The following CLCNKA variants were observed in gnomAD, a reference collection of about 807,000 sequenced individuals.
CLCNKA encodes the protein chloride voltage-gated channel Ka, also known as chloride channel protein ClC-Ka.
Under a neutral mutation model 83.3 loss-of-function variants are expected in CLCNKA, and 66 were observed. The observed-to-expected ratio is 0.79, with a 90% CI of 0.65 to 0.97. CLCNKA has a LOEUF of 0.97. Ranked by LOEUF, CLCNKA falls within the 50% of genes least tolerant of loss-of-function variation. CLCNKA has a pLI of 0.00. For missense variants in CLCNKA, 806 were observed against 888.7 expected (o/e 0.91, Z 1.18); for synonymous variants, 357 against 370.4 (o/e 0.96, Z 0.42).
chr1:16,023,355 T>TGAAA (rs1285319305), intron 2 of CLCNKA, among the ~76,000 whole-genome samples: 1 of 152,114 alleles, frequency 6.6e-6, no homozygotes, highest in African/African-American at 2.4e-5. Flanking sequence ...GGGATACAGG[T>TGAAA]GAAAGCTATA....
rs778465270 is a variant in CLCNKA, at chr1:16,026,795, C to G, written c.655+20C>G. 1.1e-5 allele frequency: 18 copies of G among 1,604,352 alleles called. No individual in the cohort carries two copies. Among genetic ancestry groups the G allele is most frequent in the Non-Finnish European group, 1.5e-5 (17 of 1,171,408 alleles). ...TCAGCGGTGAGACCCCCCTCATGCCCCGCCCCCTGGGTCCCTCAAGCTCCT... is the reference window on the plus strand; with the variant it reads ...TCAGCGGTGAGACCCCCCTCATGCCGCGCCCCCTGGGTCCCTCAAGCTCCT... On this transcript the variant is annotated intron_variant, in intron 7 of 19. Transcript: ENST00000331433.
chr1:16,033,548 T>TGGGGGGGGGGG, intron 19 of CLCNKA, 63 bp from the exon 20 acceptor site: 1 of 1,121,922 alleles, frequency 8.9e-7, no homozygotes. Context: ...CTAAAAATGC[T>TGGGGGGGGGGG]GGAGCCCCCC....
Position 16,032,190 on chromosome 1 carries a change from C to T in CLCNKA, c.1757-13C>T, listed in dbSNP as rs6669935. ...ATAATGCACCTCCCTCCCTCTCCCT[C>T]TCTACTTGCCAGAGTCCCAGATCCT... On this transcript the variant is annotated splice_polypyrimidine_tract_variant and intron_variant, in intron 16 of 19. Transcript: ENST00000331433. 1 of 1,610,210 alleles carries T rather than the reference C, an allele frequency of 6.2e-7. No individual in the cohort carries two copies. The highest frequency in any genetic ancestry group is 8.5e-7 in the Non-Finnish European group (1 of 1,177,754).
intron 7 of CLCNKA, 127 bp from the exon 8 acceptor site, chr1:16,027,183 T>A: frequency 7.1e-7 from 1 of 1,400,172 alleles, no homozygotes; most frequent in Non-Finnish European, 1.0e-6. Context: ...TCCCCTTCTG[T>A]CTGTCCCTGT....
chr1:16,024,554 C>T (rs1471173757), intron 3 of CLCNKA, among the ~76,000 whole-genome samples: 1 of 152,166 alleles, frequency 6.6e-6, no homozygotes, highest in Non-Finnish European at 1.5e-5. Flanking sequence ...GAGTGGCTTG[C>T]CCAAGGTCAC....
At chr1:16,028,618 C>T (rs2022481571) in intron 10 of CLCNKA, 143 bp from the exon 11 acceptor site, 1 of 1,035,152 alleles carries the variant, frequency 9.7e-7, no homozygotes, top group Admixed American at 1.8e-5. Context: ...TTCCCTGCTC[C>T]CGCCCTTCCT....
Position 16,028,085 on chromosome 1 carries a change from ACCAATCGGTACAGCT to A in CLCNKA, c.939_953del (p.Asn313_Ser317del). On this transcript the variant is annotated inframe_deletion, in exon 10 of 20. Transcript: ENST00000331433. ...GCGAACCTTCCTCAGCTTCATCAAG[ACCAATCGGTACAGCT>A]CCAAACTGCTGGCTACTAGGTAGGC... is the stretch of plus-strand genomic sequence containing the variant. The A allele has an allele frequency of 6.3e-7, 1 of 1,578,818 alleles. No homozygotes were observed. Among genetic ancestry groups the A allele is most frequent in the Non-Finnish European group, 8.7e-7 (1 of 1,148,986 alleles).
At chr1:16,030,364 C>A (rs1191123456) in intron 14 of CLCNKA, 97 bp from the exon 15 acceptor site, 1 of 1,474,764 alleles carries the variant, frequency 6.8e-7, no homozygotes, top group South Asian at 1.2e-5. Flanking sequence ...ACAATTCCCA[C>A]CCTAGCCCCC....
At chr1:16,031,881 G>A (rs753367972) in intron 16 of CLCNKA, 38 bp downstream of exon 16, 9 of 1,612,934 alleles carry the variant, frequency 5.6e-6, no homozygotes, top group South Asian at 1.1e-5. Context: ...CGGGGGTAGG[G>A]GATGCCCTCT....
Position 16,028,115 on chromosome 1 carries a change from A to G in CLCNKA, c.964A>G (p.Thr322Ala), listed in dbSNP as rs748769879. Residue 322 changes from threonine (T) to alanine (A), a missense_variant, in exon 10 of 20, where the codon ACT (threonine) becomes GCT (alanine). Transcript: ENST00000331433. Reference sequence around the variant, plus strand: ...TCGGTACAGCTCCAAACTGCTGGCTACTAGGTAGGCTCTGGGCTAGGGGCT... The same window carrying G: ...TCGGTACAGCTCCAAACTGCTGGCTGCTAGGTAGGCTCTGGGCTAGGGGCT... ...TNRYSSKLLA[T>A]SKPVYSALAT... is the part of the protein sequence containing the mutation. 7.8e-6 allele frequency: 12 copies of G among 1,545,500 alleles called. No individual in the cohort carries two copies. The South Asian group carries it at 1.0e-4, about 13-fold the overall frequency.
chr1:16,023,768 A>G (rs2022232655), intron 2 of CLCNKA, 32 bp from the exon 3 acceptor site: 2 of 1,613,182 alleles, frequency 1.2e-6, no homozygotes, highest in Non-Finnish European at 1.7e-6. Flanking sequence ...CCTTGCCCCA[A>G]CATAAGCTGG....
intron 19 of CLCNKA, 60 bp downstream of exon 19, chr1:16,033,316 A>T: frequency 1.2e-5 from 19 of 1,546,210 alleles, no homozygotes; most frequent in South Asian, 2.2e-5. Context: ...GGCTGGGGAG[A>T]TGGGGAGGTG....
intron 4 of CLCNKA, among the ~76,000 whole-genome samples, chr1:16,025,609 C>T (rs2022316093): frequency 6.8e-6 from 1 of 145,998 alleles, no homozygotes; most frequent in Non-Finnish European, 1.5e-5. Flanking sequence ...ACTTTTGAGC[C>T]TGAGGAAGTC....
Position 16,024,770 on chromosome 1 carries a change from G to A in CLCNKA, c.237G>A (p.Gln79=). Residue 79 remains glutamine (Q), a synonymous_variant, in exon 4 of 20, where the codon CAG becomes CAA. Transcript: ENST00000331433. ...FAIGCVVRAH[Q]WLYREIGDSH... ...ATACGCGGCTGTCCCCAGCACACCA[G>A]TGGCTGTACAGGGAGATTGGGGACA... is the stretch of plus-strand genomic sequence containing the variant. The A allele has an allele frequency of 6.2e-7, 1 of 1,613,938 alleles. No homozygotes were observed. The highest frequency in any genetic ancestry group is 2.2e-5 in the East Asian group (1 of 44,882).
At chr1:16,032,054 A>G in intron 16 of CLCNKA, 149 bp from the exon 17 acceptor site, 2 of 1,155,206 alleles carry the variant, frequency 1.7e-6, no homozygotes, top group South Asian at 1.3e-5. Context: ...TGACATGTCT[A>G]AAGAGAGTCG....
Position 16,030,680 on chromosome 1 carries a change from T to C in CLCNKA, c.1622+6T>C. The C allele has an allele frequency of 1.2e-6, 2 of 1,613,094 alleles. No individual in the cohort carries two copies. The highest frequency in any genetic ancestry group is 1.7e-6 in the Non-Finnish European group (2 of 1,179,992). On this transcript the variant is annotated splice_donor_region_variant and intron_variant, in intron 15 of 19. Coordinates refer to ENST00000331433, the MANE Select transcript of CLCNKA (RefSeq NM_004070.4). ...ATTCTGGGCCGCAACATCGGGTGAG[T>C]GGTGCCCACCTCAGGCTGACTGAAG... is the stretch of plus-strand genomic sequence containing the variant.
chr1:16,029,087 G>A (rs745920472), intron 11 of CLCNKA, 39 bp from the exon 12 acceptor site: 12 of 1,603,466 alleles, frequency 7.5e-6, no homozygotes, highest in Non-Finnish European at 8.5e-6. Context: ...GCCGCTGGGG[G>A]GGGCCCCTCA....
intron 3 of CLCNKA, 22 bp downstream of exon 3, chr1:16,023,950 C>G: frequency 6.2e-7 from 1 of 1,613,540 alleles, no homozygotes; most frequent in Non-Finnish European, 8.5e-7. Context: ...CTGGCAGGTG[C>G]TGCTCTGGGC....
chr1:16,029,863 G>A (rs1432936544), intron 13 of CLCNKA, 63 bp downstream of exon 13: 14 of 1,608,918 alleles, frequency 8.7e-6, no homozygotes, highest in Non-Finnish European at 1.2e-5. Context: ...CATGCATCCT[G>A]GTTCACCCTC....
Sources: allele counts gnomAD v4.1 joint callset (sites outside exome capture counted in the v4.1 genomes callset), GRCh38; gene constraint gnomAD v4.1.1; transcripts MANE v1.5; gene names NCBI Gene and HGNC (gene_info 2026-07-23, HGNC 2026-07-21).